LRP1B: variants seen among roughly 807,000 people sequenced by gnomAD.
LRP1B encodes low-density lipoprotein receptor-related protein 1B.
Under a neutral mutation model 556.6 loss-of-function variants are expected in LRP1B, and 217 were observed. That is an observed-to-expected ratio of 0.39 (90% CI 0.35 to 0.44). LRP1B has a LOEUF of 0.44. LRP1B is among the 20% of genes least tolerant of loss of function. The pLI is 1.00. For missense variants in LRP1B, 5,053 were observed against 5,620.8 expected (o/e 0.90, Z 3.23); for synonymous variants, 2,047 against 1,865.8 (o/e 1.10, Z -2.50).
At chr2:141,525,661 T>A (rs1045074474) in intron 2 of LRP1B, among the ~76,000 whole-genome samples, 4 of 151,914 alleles carry the variant, frequency 2.6e-5, no homozygotes, top group Non-Finnish European at 5.9e-5. Context: ...GAAGAAGCAA[T>A]TAAAAGAAAA....
chr2:141,535,797 C>T (rs981456761), intron 2 of LRP1B, among the ~76,000 whole-genome samples: 4 of 152,054 alleles, frequency 2.6e-5, no homozygotes, highest in Admixed American at 2.0e-4. Context: ...CCTTCAAAAG[C>T]ATCTATTTTA....
At chr2:140,617,324 G>A (rs960343007) in intron 41 of LRP1B, among the ~76,000 whole-genome samples, 19 of 151,896 alleles carry the variant, frequency 1.3e-4, no homozygotes, top group African/African-American at 4.3e-4. Context: ...TTATGGAAAA[G>A]GTGATACCTG....
chr2:141,387,086 G>C (rs1176120206), intron 3 of LRP1B, among the ~76,000 whole-genome samples: 1 of 151,784 alleles, frequency 6.6e-6, no homozygotes, highest in Non-Finnish European at 1.5e-5. Context: ...AATTTAAAAA[G>C]ACTTTAACAA....
chr2:140,596,890 C>T (rs1465532739), intron 43 of LRP1B, among the ~76,000 whole-genome samples: 2 of 152,106 alleles, frequency 1.3e-5, no homozygotes, highest in African/African-American at 4.8e-5. Flanking sequence ...AAGTGCTTGG[C>T]ACAGTATCTA....
At chr2:141,762,321 G>A (rs1012509691) in intron 2 of LRP1B, among the ~76,000 whole-genome samples, 1 of 151,962 alleles carries the variant, frequency 6.6e-6, no homozygotes, top group Non-Finnish European at 1.5e-5. Flanking sequence ...AGAAGATGAA[G>A]ATGAGGGAAA....
chr2:141,374,790 A>G (rs1413848179), intron 3 of LRP1B, among the ~76,000 whole-genome samples: 1 of 151,956 alleles, frequency 6.6e-6, no homozygotes, highest in Non-Finnish European at 1.5e-5. Flanking sequence ...ATTTCTTTGT[A>G]TTGGTTTTCA....
intron 67 of LRP1B, among the ~76,000 whole-genome samples, chr2:140,378,691 A>G (rs1041395859): frequency 6.6e-6 from 1 of 152,182 alleles, no homozygotes; most frequent in Non-Finnish European, 1.5e-5. Flanking sequence ...TGGACTGTTT[A>G]TTATTAACTG....
chr2:140,505,622 A>G (rs1689376540), intron 53 of LRP1B, among the ~76,000 whole-genome samples: 1 of 152,186 alleles, frequency 6.6e-6, no homozygotes, highest in African/African-American at 2.4e-5. Context: ...ATTCAATCAG[A>G]TATAACTCTG....
intron 12 of LRP1B, among the ~76,000 whole-genome samples, chr2:141,017,223 G>T (rs2105392028): frequency 6.6e-6 from 1 of 150,828 alleles, no homozygotes; most frequent in South Asian, 2.1e-4. Flanking sequence ...TATGTAGTTA[G>T]GTATAACTAC....
intron 1 of LRP1B, among the ~76,000 whole-genome samples, chr2:142,064,069 G>T (rs2104898101): frequency 6.6e-6 from 1 of 151,582 alleles, no homozygotes; most frequent in South Asian, 2.1e-4. Context: ...GAAGAAAAAT[G>T]TTTTCTTTCT....
chr2:140,270,265 G>C lies in LRP1B; in HGVS notation c.13224C>G (p.Pro4408=), dbSNP rs201190971. ...ACAGACACACAGGTACATTTGTCTC[G>C]GGGTCCAGCTGGCATGTGCCACCAT... ...CYNGGTCQLD[P]ETNVPVCLCS... Residue 4408 remains proline (P), a synonymous_variant, in exon 86 of 91, where the codon CCC becomes CCG. Coordinates refer to ENST00000389484, the MANE Select transcript of LRP1B (RefSeq NM_018557.3). The C allele has an allele frequency of 1.2e-6, 2 of 1,611,742 alleles. No homozygotes were observed. The highest frequency in any genetic ancestry group is 2.2e-5 in the East Asian group (1 of 44,788).
At chr2:141,755,996 GT>G (rs1694306282) in intron 2 of LRP1B, among the ~76,000 whole-genome samples, 1 of 51,458 alleles carries the variant, frequency 1.9e-5, no homozygotes, top group Admixed American at 2.3e-4. Flanking sequence ...AAAAGATAAA[GT>G]AAACAAAAGT....
chr2:140,366,062 A>C (rs940227335), intron 71 of LRP1B, among the ~76,000 whole-genome samples: 1 of 151,730 alleles, frequency 6.6e-6, no homozygotes, highest in Admixed American at 6.6e-5. Flanking sequence ...GAAGTGATAG[A>C]ATCAGTTGGA....
intron 2 of LRP1B, among the ~76,000 whole-genome samples, chr2:141,586,006 C>A (rs1687125588): frequency 6.6e-6 from 1 of 152,056 alleles, no homozygotes; most frequent in Non-Finnish European, 1.5e-5. Context: ...ATGTGAACCA[C>A]AATGCCTGGC....
At chr2:141,205,444 T>A (rs1263954900) in intron 6 of LRP1B, among the ~76,000 whole-genome samples, 1 of 152,186 alleles carries the variant, frequency 6.6e-6, no homozygotes, top group Non-Finnish European at 1.5e-5. Flanking sequence ...CCACATGGAA[T>A]GGGGTGGAAC....
At chr2:140,683,829 A>G in intron 41 of LRP1B, 2 of 661,826 alleles carry the variant, frequency 3.0e-6, no homozygotes, top group East Asian at 2.7e-5. Context: ...TCCATGCGCT[A>G]GGCAGCAGCC....
chr2:141,467,574 C>T (rs989601814), intron 3 of LRP1B, among the ~76,000 whole-genome samples: 4 of 152,056 alleles, frequency 2.6e-5, no homozygotes, highest in South Asian at 2.1e-4. Flanking sequence ...GATAGACGAA[C>T]TGATGACCTC....
At chr2:142,080,154 A>G (rs925297430) in intron 1 of LRP1B, among the ~76,000 whole-genome samples, 17 of 152,048 alleles carry the variant, frequency 1.1e-4, no homozygotes, top group Non-Finnish European at 2.5e-4. Flanking sequence ...CTGCATCCCC[A>G]CATGTGTCAA....
intron 7 of LRP1B, among the ~76,000 whole-genome samples, chr2:141,125,682 G>C (rs1340648118): frequency 1.3e-5 from 2 of 151,974 alleles, no homozygotes; most frequent in African/African-American, 4.8e-5. Context: ...GTCTCACAAT[G>C]GGAGAAACGG....
Sources: gnomAD v4.1 joint callset for allele counts (sites outside exome capture counted in the v4.1 genomes callset) on GRCh38, gnomAD v4.1.1 for gene constraint, MANE v1.5 for transcripts, NCBI Gene and HGNC (gene_info 2026-07-23, HGNC 2026-07-21) for gene names.